CASP10: variants seen among roughly 807,000 people sequenced by gnomAD.
CASP10 encodes the protein caspase-10.
A neutral mutation model predicts 48.5 loss-of-function variants in CASP10; 41 were observed. That is an observed-to-expected ratio of 0.85 (90% confidence interval 0.66 to 1.10). CASP10 has a LOEUF of 1.10. CASP10 is among the 50% of genes least tolerant of loss of function. The probability of loss-of-function intolerance (pLI) is 0.00; values close to 1 mark genes in which losing one functional copy is unlikely to be tolerated. For synonymous variants in CASP10, 232 were observed against 238.4 expected (o/e 0.97, Z 0.25); for missense variants, 614 against 614.5 (o/e 1.00, Z 0.01).
intron 5 of CASP10, among the ~76,000 whole-genome samples, chr2:201,202,847 CTTTGT>C (rs1030399836): frequency 6.6e-6 from 1 of 152,148 alleles, no homozygotes; most frequent in African/African-American, 2.4e-5. Context: ...GGGTCTTAGA[CTTTGT>C]TTTAATTTTG....
chr2:201,229,092 A>C (rs1470684833), exon 10 of CASP10: 1 of 1,614,008 alleles, frequency 6.2e-7, no homozygotes, highest in Admixed American at 1.7e-5. Flanking sequence ...AGTTCTTTCC[A>C]GAGGCTTCCT....
At chr2:201,197,234 C>T (rs1399852375) in intron 5 of CASP10, among the ~76,000 whole-genome samples, 1 of 152,058 alleles carries the variant, frequency 6.6e-6, no homozygotes, top group Non-Finnish European at 1.5e-5. Context: ...GCCTTATCCT[C>T]CCAAAGTGCT....
At chr2:201,212,006 T>C (rs773636691) in intron 9 of CASP10, among the ~76,000 whole-genome samples, 12 of 152,148 alleles carry the variant, frequency 7.9e-5, no homozygotes, top group Non-Finnish European at 7.4e-5. Flanking sequence ...TGGAGTGCAG[T>C]GGCGCAATCT....
chr2:201,228,600 G>C (rs771450747), intron 9 of CASP10, among the ~76,000 whole-genome samples: 9 of 152,148 alleles, frequency 5.9e-5, no homozygotes, highest in Non-Finnish European at 1.3e-4. Flanking sequence ...CCATTTTACA[G>C]ATCAGAAAAT....
chr2:201,190,333 G>T (rs778119232), intron 3 of CASP10, among the ~76,000 whole-genome samples: 19 of 152,082 alleles, frequency 1.2e-4, no homozygotes, highest in African/African-American at 9.6e-5. Context: ...TGACCTAAAG[G>T]TTCAGTAATT....
chr2:201,216,787 A>G (rs1945583654), intron 9 of CASP10, among the ~76,000 whole-genome samples: 1 of 152,192 alleles, frequency 6.6e-6, no homozygotes. Context: ...CTAAGAGCAC[A>G]CAATGAATGA....
At position 201,217,840 on chromosome 2, in the gene CASP10, C is replaced by G; in HGVS notation, c.*99C>G. ...GAATCGGTGGTCTCCACCTGTCATT[C>G]TAGAAACAGGAAACACCGTGTTTTC... On this transcript the variant is annotated 3_prime_UTR_variant, in exon 10 of 10. Coordinates refer to ENST00000286186, the MANE Select transcript of CASP10 (RefSeq NM_032977.4). 6.2e-7 allele frequency: 1 copy of G among 1,609,752 alleles called. No homozygotes were observed. The highest frequency in any genetic ancestry group is 2.2e-5 in the East Asian group (1 of 44,718).
chr2:201,201,218 T>A (rs41455245), intron 5 of CASP10, among the ~76,000 whole-genome samples: 1,585 of 151,746 alleles, frequency 0.01, 36 homozygotes, highest in African/African-American at 0.037. Context: ...CCTGGCTAAT[T>A]TTTTTTGTAT....
At position 201,209,429 on chromosome 2, in the gene CASP10, G is replaced by T; in HGVS notation, c.1282G>T (p.Asp428Tyr). 1 of 1,614,128 alleles carries T rather than the reference G, an allele frequency of 6.2e-7. No individual in the cohort carries two copies. Among genetic ancestry groups the T allele is most frequent in the Non-Finnish European group, 8.5e-7 (1 of 1,180,002 alleles). ...NPEQAPTSLQ[D>Y]SIPAEADFLL... is the part of the protein sequence containing the mutation. ...TGAGCAGGCACCCACTTCCCTGCAGGACAGTATTCCTGCCGAGGCTGACTT... is the reference window on the plus strand; with the variant it reads ...TGAGCAGGCACCCACTTCCCTGCAGTACAGTATTCCTGCCGAGGCTGACTT... The change falls in exon 9 of 10, where the codon GAC becomes TAC. Residue 428 changes from aspartate (D) to tyrosine (Y), a missense_variant. By Grantham distance (160) the Asp-to-Tyr change is radical. Coordinates refer to ENST00000286186, the MANE Select transcript of CASP10 (RefSeq NM_032977.4).
In CASP10 at chr2:201,195,930, A is replaced by G. The variant is rs116125703; in HGVS notation, c.666A>G (p.Thr222=). Reference sequence around the variant, plus strand: ...TAGTTTCCCAAACAGATGTTAAGACATTCTTGGAAGCCTTACCGGTAGGTT... The same window carrying G: ...TAGTTTCCCAAACAGATGTTAAGACGTTCTTGGAAGCCTTACCGGTAGGTT... ...EELVSQTDVK[T]FLEALPQESW... The change falls in exon 5 of 10, where the codon ACA becomes ACG. Residue 222 remains threonine (T), a synonymous_variant. Coordinates refer to ENST00000286186, the MANE Select transcript of CASP10 (RefSeq NM_032977.4). The G allele has an allele frequency of 9.7e-5, 156 of 1,613,374 alleles. No individual in the cohort carries two copies. In the East Asian group the frequency reaches 2.9e-3, roughly 30 times the overall value.
At chr2:201,229,218 C>A in exon 10 of CASP10, 1 of 1,004,300 alleles carries the variant, frequency 1.0e-6, no homozygotes, top group East Asian at 2.4e-5. Flanking sequence ...GACTTCTGAA[C>A]GTGGCACTCT....
exon 10 of CASP10, chr2:201,228,984 A>G (rs974907129): frequency 6.2e-7 from 1 of 1,614,028 alleles, no homozygotes; most frequent in Admixed American, 1.7e-5. Context: ...GGAAGAGAAC[A>G]GTGTGGGGTG....
Position 201,219,096 on chromosome 2 carries a change from C to T in CASP10, c.*1355C>T, listed in dbSNP as rs537131893. 3.6e-6 allele frequency: 2 copies of T among 552,074 alleles called. No individual in the cohort carries two copies. Among genetic ancestry groups the T allele is most frequent in the African/African-American group, 2.0e-5 (1 of 48,948 alleles). The allele number at this position is 552,074 out of a possible 1,614,324, so 34.2% of individuals were successfully genotyped here. A position where few individuals can be genotyped will look rare whatever the true frequency, so the allele number is the denominator to read the frequency against. ...ACCAGCCTGGCCAATACGGCAAAAC[C>T]TCATCATTACTAAAAACACAAAAAT... On this transcript the variant is annotated 3_prime_UTR_variant, in exon 10 of 10. Coordinates refer to ENST00000286186, the MANE Select transcript of CASP10 (RefSeq NM_032977.4).
rs1283975456 is a variant in CASP10, at chr2:201,203,765, T to C, written c.720T>C (p.Asn240=). 1.9e-6 allele frequency: 3 copies of C among 1,612,782 alleles called. No individual in the cohort carries two copies. The highest frequency in any genetic ancestry group is 4.5e-5 in the East Asian group (2 of 44,864). Residue 240 remains asparagine (N), a splice_region_variant and synonymous_variant, in exon 6 of 10, where the codon AAT becomes AAC. Coordinates refer to ENST00000286186, the MANE Select transcript of CASP10 (RefSeq NM_032977.4). ...GGCAAAATAAGCATGCAGGTAGTAA[T>C]GGTAGGTATTTCTAATGTACTTTTT... The part of the protein sequence containing the change: ...ESWQNKHAGS[N]GNRATNGAPS...
In CASP10 at chr2:201,185,829, G is replaced by A. The variant is rs757161113; in HGVS notation, c.52G>A (p.Val18Met). 8 of 1,614,138 alleles carry A rather than the reference G, an allele frequency of 5.0e-6. 1 individual carries two copies. The South Asian group carries it at 8.8e-5, about 18-fold the overall frequency. Reference protein sequence around the residue: ...WYSSSDKNCKVSFREKLLIID... With the variant: ...WYSSSDKNCKMSFREKLLIID... The stretch of plus-strand genomic sequence containing the variant: ...TTCCAGTTCAGATAAAAACTGTAAA[G>A]TGAGCTTTCGTGAGAAGCTTCTGAT... The change falls in exon 2 of 10, where the codon GTG (valine) becomes ATG (methionine). Residue 18 changes from valine to methionine, a missense_variant. Physicochemically the swap from Val to Met is conservative, Grantham distance 21. Transcript: ENST00000286186.
At chr2:201,201,802 A>G (rs1346206467) in intron 5 of CASP10, among the ~76,000 whole-genome samples, 1 of 150,762 alleles carries the variant, frequency 6.6e-6, no homozygotes, top group African/African-American at 2.4e-5. Context: ...GCACCTGAGG[A>G]TTTTTTTTTT....
chr2:201,192,461 T>C (rs1043311734), intron 3 of CASP10, among the ~76,000 whole-genome samples: 2 of 152,030 alleles, frequency 1.3e-5, no homozygotes, highest in Non-Finnish European at 2.9e-5. Context: ...AAAATTCTTT[T>C]TCTTTTAAAA....
In CASP10 at chr2:201,196,038, A is replaced by T. The variant is rs1944784258; in HGVS notation, c.684+90A>T. On this transcript the variant is annotated intron_variant, in intron 5 of 9. Transcript: ENST00000286186. ...GCCACCCCAAAAAAGAAAAAGAGAG[A>T]GAGGCCCCGGTTTGTACCATTTATT... 4.7e-6 allele frequency: 4 copies of T among 849,390 alleles called. No individual in the cohort carries two copies. The East Asian group carries it at 9.7e-5, about 21-fold the overall frequency. The allele number at this position is 849,390 out of a possible 1,614,324, so 52.6% of individuals were successfully genotyped here.
chr2:201,190,198 G>C (rs1203810486), intron 3 of CASP10, among the ~76,000 whole-genome samples: 2 of 152,022 alleles, frequency 1.3e-5, no homozygotes, highest in Non-Finnish European at 2.9e-5. Flanking sequence ...CTTTTAATGA[G>C]AGATGTCATT....
Sources: gnomAD v4.1 joint callset for allele counts (sites outside exome capture counted in the v4.1 genomes callset) on GRCh38, gnomAD v4.1.1 for gene constraint, MANE v1.5 for transcripts, NCBI Gene and HGNC (gene_info 2026-07-23, HGNC 2026-07-21) for gene names.